The following ANKMY1 variants were observed in gnomAD, a reference collection of about 807,000 sequenced individuals.
The protein encoded by ANKMY1 is ankyrin repeat and MYND domain-containing protein 1.
In ANKMY1, 98 loss-of-function variants were observed where a neutral mutation model predicts 102.0. That is an observed-to-expected ratio of 0.96 (90% CI 0.82 to 1.14). The LOEUF (loss-of-function observed/expected upper bound fraction) is 1.14, where lower values mean the gene tolerates loss of function less well. Ranked by LOEUF, ANKMY1 falls within the 50% of genes most tolerant of loss-of-function variation. The pLI is 0.00. For missense variants in ANKMY1, 1,330 were observed against 1,347.6 expected (o/e 0.99, Z 0.20); for synonymous variants, 582 against 559.9 (o/e 1.04, Z -0.56).
chr2:240,523,674 G>C (rs2082758661), intron 8 of ANKMY1: 1 of 774,184 alleles, frequency 1.3e-6, no homozygotes, highest in East Asian at 2.7e-5. Flanking sequence ...CCACAGGGCT[G>C]GGGTGGCACT....
chr2:240,485,889 G>A (rs1470619552), intron 15 of ANKMY1, among the ~76,000 whole-genome samples: 9 of 152,096 alleles, frequency 5.9e-5, no homozygotes, highest in Non-Finnish European at 1.2e-4. Context: ...CACCATGCCT[G>A]GCCTACCATA....
At chr2:240,492,295 C>T (rs2076743894) in intron 15 of ANKMY1, among the ~76,000 whole-genome samples, 1 of 152,336 alleles carries the variant, frequency 6.6e-6, no homozygotes, top group African/African-American at 2.4e-5. Context: ...CCTGGCCCTA[C>T]TTCATTAATA....
chr2:240,516,132 A>G (rs2081162470), intron 9 of ANKMY1, among the ~76,000 whole-genome samples: 1 of 144,994 alleles, frequency 6.9e-6, no homozygotes, highest in South Asian at 2.3e-4. Flanking sequence ...CCAATCAAAG[A>G]GTAAAGGTTT....
intron 12 of ANKMY1, 120 bp from the exon 13 acceptor site, chr2:240,507,811 C>A: frequency 8.0e-7 from 1 of 1,243,388 alleles, no homozygotes; most frequent in Admixed American, 3.2e-5. Flanking sequence ...TCACGGAGGC[C>A]ACCGCTGGCC....
At chr2:240,482,443 G>A (rs921909745) in intron 15 of ANKMY1, among the ~76,000 whole-genome samples, 182 bp from the exon 16 acceptor site, 2 of 152,228 alleles carry the variant, frequency 1.3e-5, no homozygotes, top group South Asian at 2.1e-4. Flanking sequence ...ATGTGGACCT[G>A]GAGGCGCAGG....
At chr2:240,524,660 G>A (rs1199238857) in intron 7 of ANKMY1, among the ~76,000 whole-genome samples, 5 of 152,242 alleles carry the variant, frequency 3.3e-5, no homozygotes, top group Non-Finnish European at 7.3e-5. Context: ...GCACCCAGGT[G>A]CTTAGAAGTG....
At chr2:240,542,396 T>C (rs1020606157) in intron 4 of ANKMY1, among the ~76,000 whole-genome samples, 1 of 151,878 alleles carries the variant, frequency 6.6e-6, no homozygotes, top group Non-Finnish European at 1.5e-5. Flanking sequence ...TCCCAGCTAC[T>C]CTGGAGGCCG....
At chr2:240,527,863 G>T (rs926639528) in intron 5 of ANKMY1, 6 of 130,094 alleles carry the variant, frequency 4.6e-5, no homozygotes, top group Non-Finnish European at 6.8e-5. Context: ...GATTGGGTGG[G>T]TGGATGGATT....
intron 2 of ANKMY1, among the ~76,000 whole-genome samples, chr2:240,556,917 C>T (rs1053534178): frequency 1.3e-5 from 2 of 152,142 alleles, no homozygotes; most frequent in Non-Finnish European, 2.9e-5. Context: ...AGCCCCATCT[C>T]GTGAGGGAAA....
At chr2:240,496,597 C>T (rs1262157040) in intron 15 of ANKMY1, among the ~76,000 whole-genome samples, 3 of 152,146 alleles carry the variant, frequency 2.0e-5, no homozygotes, top group Non-Finnish European at 4.4e-5. Context: ...TGTGTGAAAT[C>T]CATTTCTCCC....
intron 4 of ANKMY1, among the ~76,000 whole-genome samples, chr2:240,542,189 C>A (rs2089044217): frequency 7.3e-6 from 1 of 136,362 alleles, no homozygotes. Context: ...GCCTGGGTGA[C>A]AGCAAGACTC....
intron 4 of ANKMY1, among the ~76,000 whole-genome samples, chr2:240,537,568 G>A (rs1286428720): frequency 6.6e-6 from 1 of 151,844 alleles, no homozygotes; most frequent in Non-Finnish European, 1.5e-5. Flanking sequence ...CTTCCTTTAG[G>A]GTGACAACAA....
At chr2:240,514,916 G>T (rs901578227) in intron 9 of ANKMY1, among the ~76,000 whole-genome samples, 4 of 152,358 alleles carry the variant, frequency 2.6e-5, no homozygotes, top group African/African-American at 7.2e-5. Flanking sequence ...GGCATGCATG[G>T]GCATGAGCAC....
Position 240,529,307 on chromosome 2 carries a change from T to C in ANKMY1, c.683A>G (p.Lys228Arg). Residue 228 changes from lysine (K) to arginine (R), a missense_variant, in exon 5 of 18, where the codon AAA becomes AGA. Lys to Arg is a conservative substitution (Grantham distance 26, BLOSUM62 2). Transcript: ENST00000401804. The surrounding 1 kb of genome is among the most constrained non-coding windows in gnomAD (Gnocchi z 4.2). ...PARISLSEEE[K>R]TEWGLQEGQD... Reference sequence around the variant, plus strand: ...TCCCTCCTGCAGTCCCCACTCCGTTTTCTCCTCTTCTGAGAGGCTGATCCT... The same window carrying C: ...TCCCTCCTGCAGTCCCCACTCCGTTCTCTCCTCTTCTGAGAGGCTGATCCT... The C allele has an allele frequency of 6.2e-7, 1 of 1,614,182 alleles. No homozygotes were observed. Among genetic ancestry groups the C allele is most frequent in the Non-Finnish European group, 8.5e-7 (1 of 1,180,038 alleles).
chr2:240,483,564 A>G (rs1450554471), intron 15 of ANKMY1, among the ~76,000 whole-genome samples: 1 of 152,176 alleles, frequency 6.6e-6, no homozygotes, highest in Non-Finnish European at 1.5e-5. Context: ...TTCACATTTA[A>G]TGTTATTAAT....
At chr2:240,547,699 G>C (rs2090686329) in intron 4 of ANKMY1, among the ~76,000 whole-genome samples, 1 of 149,276 alleles carries the variant, frequency 6.7e-6, no homozygotes, top group Non-Finnish European at 1.5e-5. Flanking sequence ...CGATCCCACA[G>C]AAATACAAAC....
At chr2:240,512,693 C>A in intron 10 of ANKMY1, 109 bp downstream of exon 10, 1 of 1,380,488 alleles carries the variant, frequency 7.2e-7, no homozygotes, top group Non-Finnish European at 9.6e-7. Context: ...AGGCCCCAAG[C>A]CAGGAGGCCC....
Position 240,499,851 on chromosome 2 carries a change from G to C in ANKMY1, c.2806+107C>G. ...AGCCGACGAGCCCAGCCCCAGGAAGGCCCCTCCAAGAGCCCCAGGGGGTCC... is the reference window on the plus strand; with the variant it reads ...AGCCGACGAGCCCAGCCCCAGGAAGCCCCCTCCAAGAGCCCCAGGGGGTCC... On this transcript the variant is annotated intron_variant, in intron 15 of 17. Transcript: ENST00000401804. The surrounding 1 kb of genome is among the most constrained non-coding windows in gnomAD (Gnocchi z 4.2). 7.3e-7 allele frequency: 1 copy of C among 1,373,952 alleles called. No homozygotes were observed. The highest frequency in any genetic ancestry group is 1.5e-5 in the South Asian group (1 of 64,866). The allele number at this position is 1,373,952 out of a possible 1,614,324, so 85.1% of individuals were successfully genotyped here.
chr2:240,538,295 G>A (rs1440464116), intron 4 of ANKMY1, among the ~76,000 whole-genome samples: 4 of 152,108 alleles, frequency 2.6e-5, no homozygotes, highest in East Asian at 1.9e-4. Context: ...AGGCGCAGGC[G>A]GGAAATGGGG....
Sources: gnomAD v4.1 joint callset for allele counts (sites outside exome capture counted in the v4.1 genomes callset) on GRCh38, gnomAD v4.1.1 for gene constraint, Gnocchi (gnomAD v3.1) non-coding constraint, MANE v1.5 for transcripts, NCBI Gene and HGNC (gene_info 2026-07-23, HGNC 2026-07-21) for gene names.